Variants in PRH1 observed in about 807,000 individuals in gnomAD.
PRH1 encodes proline rich protein HaeIII subfamily 1, also known as salivary acidic proline-rich phosphoprotein 1/2.
A neutral mutation model predicts 7.9 loss-of-function variants in PRH1; 7 were observed. The observed-to-expected ratio is 0.89, with a 90% CI of 0.50 to 1.67. PRH1 has a LOEUF of 1.67. Ranked by LOEUF, PRH1 falls within the 40% of genes most tolerant of loss-of-function variation. The probability of loss-of-function intolerance (pLI) is 0.00; values close to 1 mark genes in which losing one functional copy is unlikely to be tolerated. For synonymous variants in PRH1, 45 were observed against 80.8 expected (o/e 0.56, Z 2.38); for missense variants, 109 against 223.6 (o/e 0.49, Z 3.27).
At chr12:11,070,383 C>A (rs1199641807) in intron 1 of PRH1, among the ~76,000 whole-genome samples, 3 of 147,098 alleles carry the variant, frequency 2.0e-5, no homozygotes, top group African/African-American at 7.5e-5. Context: ...GGCTACCACA[C>A]ATGTGAGCAG....
intron 1 of PRH1, among the ~76,000 whole-genome samples, chr12:11,158,061 G>A (rs1947306759): frequency 6.6e-6 from 1 of 152,140 alleles, no homozygotes; most frequent in Non-Finnish European, 1.5e-5. Flanking sequence ...TACTTCCCAT[G>A]ATTTACCAGC....
At chr12:11,148,443 T>C (rs1318677204) in intron 1 of PRH1, among the ~76,000 whole-genome samples, 11 of 143,274 alleles carry the variant, frequency 7.7e-5, no homozygotes, top group Non-Finnish European at 1.5e-4. Context: ...ATAGCTCTTA[T>C]TATTTTGAGA....
intron 1 of PRH1, chr12:11,046,979 AG>A (rs767257601): frequency 4.2e-6 from 2 of 479,754 alleles, no homozygotes; most frequent in African/African-American, 3.9e-5. Context: ...TGAATCATCA[AG>A]ATTAGTGGTT....
chr12:11,048,127 C>A (rs1942977499), upstream of PRH1, among the ~76,000 whole-genome samples: 1 of 148,112 alleles, frequency 6.8e-6, no homozygotes, highest in Non-Finnish European at 1.5e-5. Flanking sequence ...CACATGCACA[C>A]ATATACCCAC....
chr12:10,895,564 G>T (rs778827967), intron 2 of PRH1: 1 of 152,266 alleles, frequency 6.6e-6, no homozygotes, highest in East Asian at 1.9e-4. Context: ...TGAGGAAATA[G>T]AAGACACTGA....
chr12:11,171,542 C>T (rs1350968975), upstream of PRH1: 31 of 1,232,110 alleles, frequency 2.5e-5, no homozygotes, highest in South Asian at 2.1e-4. Context: ...TCCTCAACAT[C>T]CGATTGCAGG....
upstream of PRH1, among the ~76,000 whole-genome samples, chr12:10,885,385 C>T (rs998893230): frequency 1.2e-4 from 18 of 151,984 alleles, no homozygotes; most frequent in Admixed American, 8.5e-4. Context: ...GTTTACTTTT[C>T]GTCCTATATC....
intron 1 of PRH1, among the ~76,000 whole-genome samples, chr12:11,021,181 C>A (rs914708239): frequency 6.6e-6 from 1 of 152,114 alleles, no homozygotes. Context: ...AATAAGAATT[C>A]ATAATGAAAT....
intron 1 of PRH1, among the ~76,000 whole-genome samples, chr12:11,149,435 T>C (rs527766060): frequency 6.6e-6 from 1 of 152,084 alleles, no homozygotes; most frequent in East Asian, 1.9e-4. Flanking sequence ...AAGGCTACAG[T>C]AACCAAAACA....
At chr12:11,073,275 C>G (rs79928430) in intron 1 of PRH1, among the ~76,000 whole-genome samples, 2,687 of 78,564 alleles carry the variant, frequency 0.034, 48 homozygotes, top group Non-Finnish European at 0.042. Flanking sequence ...GTATTTACAG[C>G]CATGTGCTAC....
intron 1 of PRH1, chr12:11,134,234 A>G: frequency 6.2e-7 from 1 of 1,612,822 alleles, no homozygotes; most frequent in Non-Finnish European, 8.5e-7. Context: ...GATGGGCAGA[A>G]AAGTTATCAT....
chr12:10,976,355 G>T (rs932830600), intron 1 of PRH1, among the ~76,000 whole-genome samples: 4 of 152,076 alleles, frequency 2.6e-5, no homozygotes, highest in East Asian at 1.9e-4. Flanking sequence ...CAGAAACCAA[G>T]AAATTCTTTG....
intron 2 of PRH1, among the ~76,000 whole-genome samples, chr12:10,916,768 C>G (rs552916027): frequency 1.3e-5 from 2 of 152,050 alleles, no homozygotes; most frequent in African/African-American, 4.8e-5. Flanking sequence ...TATATTTGAG[C>G]CGGGCACAGT....
At chr12:10,914,248 A>G (rs1337286363) in intron 2 of PRH1, among the ~76,000 whole-genome samples, 2 of 152,234 alleles carry the variant, frequency 1.3e-5, no homozygotes, top group African/African-American at 4.8e-5. Flanking sequence ...AATTAAAAAA[A>G]TTGACTTTAG....
intron 1 of PRH1, among the ~76,000 whole-genome samples, chr12:11,163,691 T>C (rs1000094361): frequency 3.3e-5 from 5 of 152,176 alleles, no homozygotes; most frequent in Admixed American, 3.3e-4. Context: ...ATTCTGGTAG[T>C]TTAAGCACAA....
intron 1 of PRH1, among the ~76,000 whole-genome samples, chr12:11,154,913 A>G (rs867902136): frequency 6.6e-6 from 1 of 151,444 alleles, no homozygotes; most frequent in South Asian, 2.1e-4. Context: ...CTTCCTGTTT[A>G]GTCAAAGAGC....
intron 1 of PRH1, among the ~76,000 whole-genome samples, chr12:11,144,361 G>A (rs1398073863): frequency 6.6e-6 from 1 of 152,068 alleles, no homozygotes; most frequent in Non-Finnish European, 1.5e-5. Context: ...AGGTTGTCAG[G>A]AAAGTGGGGG....
At chr12:10,947,990 C>T (rs1386778285) in intron 2 of PRH1, among the ~76,000 whole-genome samples, 2 of 152,182 alleles carry the variant, frequency 1.3e-5, no homozygotes, top group Non-Finnish European at 2.9e-5. Flanking sequence ...ACTCAGCTGA[C>T]AGATCTGCTG....
intron 1 of PRH1, among the ~76,000 whole-genome samples, chr12:11,069,194 G>T (rs1160861320): frequency 6.6e-6 from 1 of 150,772 alleles, no homozygotes; most frequent in African/African-American, 2.4e-5. Context: ...CTCAATTACA[G>T]GCTTGAGCCA....
Sources: allele counts gnomAD v4.1 joint callset (sites outside exome capture counted in the v4.1 genomes callset), GRCh38; gene constraint gnomAD v4.1.1; transcripts MANE v1.5; gene names NCBI Gene and HGNC (gene_info 2026-07-23, HGNC 2026-07-21).